Variants in LRRC28 observed in about 807,000 individuals in gnomAD.
The protein encoded by LRRC28 is leucine rich repeat containing 28, also known as leucine-rich repeat-containing protein 28.
LRRC28 carries 39 observed loss-of-function variants against 45.7 expected under a neutral mutation model. That is an observed-to-expected ratio of 0.85 (90% CI 0.66 to 1.12). LRRC28 has a LOEUF of 1.12. Among genes scored for constraint, LRRC28 ranks in the 50% most tolerant of loss-of-function variants. LRRC28 has a pLI of 0.00. For missense variants in LRRC28, 435 were observed against 438.5 expected, an observed-to-expected ratio of 0.99 and a Z score of 0.07; for synonymous variants, 206 against 178.8, an observed-to-expected ratio of 1.15 and a Z score of -1.22.
chr15:99,377,318 G>A (rs1482944934), intron 9 of LRRC28, among the ~76,000 whole-genome samples: 3 of 151,926 alleles, frequency 2.0e-5, no homozygotes, highest in Non-Finnish European at 2.9e-5. Context: ...ATTTTTTCAT[G>A]TGTTTTTTGG....
intron 5 of LRRC28, among the ~76,000 whole-genome samples, chr15:99,321,098 T>C (rs1232982007): frequency 1.3e-5 from 2 of 152,220 alleles, no homozygotes; most frequent in Non-Finnish European, 2.9e-5. Flanking sequence ...CATGTTCTTC[T>C]CAATATAATT....
rs534508375 is a variant in LRRC28, at chr15:99,364,684, C to A, written c.1031+1419C>A. On this transcript the variant is annotated intron_variant, in intron 9 of 9. Coordinates refer to ENST00000301981, the MANE Select transcript of LRRC28 (RefSeq NM_144598.5). ...AGGCCACCTCAGGCAACTTACTGACCATCCCTGAGCTTAGTCTTTTCATCA... is the reference window on the plus strand; with the variant it reads ...AGGCCACCTCAGGCAACTTACTGACAATCCCTGAGCTTAGTCTTTTCATCA... 1.8e-4 allele frequency among the ~76,000 whole-genome samples: 27 copies of A among 152,238 alleles called. No homozygotes were observed. In the East Asian group the frequency reaches 5.2e-3, roughly 29 times the overall value.
intron 5 of LRRC28, among the ~76,000 whole-genome samples, chr15:99,333,078 T>C (rs1056678552): frequency 9.2e-5 from 14 of 152,202 alleles, no homozygotes; most frequent in African/African-American, 2.4e-4. Flanking sequence ...TTCAGTGTAA[T>C]GTGCTGACCT....
intron 6 of LRRC28, among the ~76,000 whole-genome samples, chr15:99,350,055 G>A (rs975814847): frequency 4.0e-5 from 6 of 149,332 alleles, no homozygotes; most frequent in Non-Finnish European, 7.4e-5. Context: ...AGAATGGCGT[G>A]AACCCGGGAA....
intron 5 of LRRC28, among the ~76,000 whole-genome samples, chr15:99,316,116 A>G (rs1490309261): frequency 1.3e-5 from 2 of 152,184 alleles, no homozygotes; most frequent in Admixed American, 6.5e-5. Flanking sequence ...TTAATGCTAT[A>G]TTGGCTCAAC....
chr15:99,363,275 C>A lies in LRRC28; in HGVS notation c.1031+10C>A. On this transcript the variant is annotated intron_variant, in intron 9 of 9. Transcript: ENST00000301981. ...CAGGGCTGCACCAGTGGTAATCATG[C>A]CTAAGTGGGCACCAGGGTTTACACC... 6.2e-7 allele frequency: 1 copy of A among 1,613,332 alleles called. No homozygotes were observed. Among genetic ancestry groups the A allele is most frequent in the Non-Finnish European group, 8.5e-7 (1 of 1,179,626 alleles).
chr15:99,264,736 T>C (rs1216898663), intron 2 of LRRC28, among the ~76,000 whole-genome samples: 2 of 152,212 alleles, frequency 1.3e-5, no homozygotes, highest in Non-Finnish European at 1.5e-5. Context: ...TCCCTTTTCT[T>C]TTCTTTTCCC....
In LRRC28 at chr15:99,387,189, T is replaced by G. The variant is rs527697510; in HGVS notation, c.*1087T>G. 5 of 143,780 alleles carry G rather than the reference T, an allele frequency of 3.5e-5. No individual in the cohort carries two copies. The South Asian group carries it at 7.3e-4, about 21-fold the overall frequency. 8.9% of individuals were successfully genotyped at this position (143,780 alleles called of 1,614,324 possible). On this transcript the variant is annotated 3_prime_UTR_variant, in exon 10 of 10. Coordinates refer to ENST00000301981, the MANE Select transcript of LRRC28 (RefSeq NM_144598.5). Reference sequence around the variant, plus strand: ...CATTCTCCTGCCTCAGCCTCCCAAGTAGCTGGGACCACAGGCGCCCGCCAC... The same window carrying G: ...CATTCTCCTGCCTCAGCCTCCCAAGGAGCTGGGACCACAGGCGCCCGCCAC...
chr15:99,285,427 G>A, intron 3 of LRRC28: 6 of 770,158 alleles, frequency 7.8e-6, no homozygotes, highest in East Asian at 7.3e-5. Flanking sequence ...GGCGTGCTTG[G>A]TGTTGGGATC....
At chr15:99,381,645 T>A (rs1372296821) in intron 9 of LRRC28, among the ~76,000 whole-genome samples, 3 of 152,230 alleles carry the variant, frequency 2.0e-5, no homozygotes, top group Admixed American at 2.0e-4. Context: ...GCTCTGTTTT[T>A]TCCCCATCTT....
At chr15:99,272,194 CA>C (rs2081500590) in intron 2 of LRRC28, among the ~76,000 whole-genome samples, 1 of 152,156 alleles carries the variant, frequency 6.6e-6, no homozygotes, top group Non-Finnish European at 1.5e-5. Flanking sequence ...CAGGTTTTGC[CA>C]AACCCTGAGT....
chr15:99,315,447 A>G (rs1443128074), intron 5 of LRRC28, among the ~76,000 whole-genome samples: 1 of 152,160 alleles, frequency 6.6e-6, no homozygotes, highest in Non-Finnish European at 1.5e-5. Context: ...CACTACTACT[A>G]TCCTAAAATT....
At chr15:99,261,040 G>T (rs967369147) in intron 2 of LRRC28, among the ~76,000 whole-genome samples, 2 of 152,136 alleles carry the variant, frequency 1.3e-5, no homozygotes, top group Non-Finnish European at 2.9e-5. Context: ...GAGAAGAGAA[G>T]TTGTCGCTAA....
intron 6 of LRRC28, among the ~76,000 whole-genome samples, chr15:99,347,449 T>C (rs767093921): frequency 1.3e-4 from 20 of 152,316 alleles, no homozygotes; most frequent in Admixed American, 2.0e-4. Flanking sequence ...CCTCGTGATC[T>C]GCCCGCCTTG....
chr15:99,376,706 C>T (rs1464190175), intron 9 of LRRC28, among the ~76,000 whole-genome samples: 1 of 152,110 alleles, frequency 6.6e-6, no homozygotes, highest in Non-Finnish European at 1.5e-5. Flanking sequence ...CCCCCCACCC[C>T]ACAACAGGCC....
chr15:99,364,402 A>G (rs1032105348), intron 9 of LRRC28, among the ~76,000 whole-genome samples: 4 of 152,166 alleles, frequency 2.6e-5, no homozygotes, highest in Non-Finnish European at 5.9e-5. Flanking sequence ...CTGTTTTGCT[A>G]TATTTCACTT....
At chr15:99,299,726 C>T (rs1267244476) in intron 5 of LRRC28, among the ~76,000 whole-genome samples, 1 of 152,098 alleles carries the variant, frequency 6.6e-6, no homozygotes, top group Admixed American at 6.5e-5. Context: ...TTATGAACCC[C>T]CCCACTCAAT....
chr15:99,295,159 T>C (rs565988517), intron 5 of LRRC28, among the ~76,000 whole-genome samples: 153 of 152,308 alleles, frequency 1.0e-3, no homozygotes, highest in African/African-American at 3.5e-3. Flanking sequence ...GGAAGTCCTG[T>C]TAGATGTCCT....
At chr15:99,374,621 CTT>C (rs1957572981) in intron 9 of LRRC28, among the ~76,000 whole-genome samples, 1 of 151,298 alleles carries the variant, frequency 6.6e-6, no homozygotes, top group Non-Finnish European at 1.5e-5. Context: ...GTGGTTAGGA[CTT>C]TGAGTACTAT....
Sources: allele counts gnomAD v4.1 joint callset (sites outside exome capture counted in the v4.1 genomes callset), GRCh38; gene constraint gnomAD v4.1.1; transcripts MANE v1.5; gene names NCBI Gene and HGNC (gene_info 2026-07-23, HGNC 2026-07-21).